The following LRCH2 variants were observed in gnomAD, a reference collection of about 807,000 sequenced individuals.
The protein encoded by LRCH2 is leucine-rich repeat and calponin homology domain-containing protein 2.
In LRCH2, 38 loss-of-function variants were observed where a neutral mutation model predicts 68.9. That is an observed-to-expected ratio of 0.55 (90% CI 0.43 to 0.72). The LOEUF (loss-of-function observed/expected upper bound fraction) is 0.72, where lower values mean the gene tolerates loss of function less well. LRCH2 is among the 30% of genes least tolerant of loss of function. The pLI is 0.00. For missense variants in LRCH2, 528 were observed against 572.9 expected (o/e 0.92, Z 0.80); for synonymous variants, 191 against 208.1 (o/e 0.92, Z 0.71).
intron 1 of LRCH2, chrX:115,191,304 C>T (rs1055448483): frequency 9.5e-6 from 11 of 1,156,793 alleles, no homozygotes; most frequent in African/African-American, 3.7e-5. Flanking sequence ...CCAGCTGGAG[C>T]CACCGCTACG....
chrX:115,166,261 T>G lies in LRCH2; in HGVS notation c.1080A>C (p.Thr360=), dbSNP rs2072559025. 1.7e-6 allele frequency: 2 copies of G among 1,179,734 alleles called. No individual in the cohort carries two copies. Among genetic ancestry groups the G allele is most frequent in the African/African-American group, 3.5e-5 (2 of 56,463 alleles). Reference sequence around the variant, plus strand: ...AGCAATAGAAAATACTCACTTCTGTTGTGGATAATCGTTTCTCTCCATTAT... The same window carrying G: ...AGCAATAGAAAATACTCACTTCTGTGGTGGATAATCGTTTCTCTCCATTAT... ...GSDNGEKRLS[T]TEPSDDDTVS... is the part of the protein sequence containing the mutation. Residue 360 remains threonine, a synonymous_variant, in exon 7 of 21, where the codon ACA becomes ACC. Transcript: ENST00000317135.
intron 5 of LRCH2, among the ~76,000 whole-genome samples, chrX:115,174,985 A>C (rs782779920): frequency 5.4e-5 from 6 of 111,519 alleles, no homozygotes; most frequent in Non-Finnish European, 9.4e-5. Context: ...CAGGAACCAG[A>C]GAAGGGCTGA....
At chrX:115,116,382 T>A (rs187554153) in intron 20 of LRCH2, among the ~76,000 whole-genome samples, 51 of 111,014 alleles carry the variant, frequency 4.6e-4, no homozygotes, top group Middle Eastern at 4.6e-3. Context: ...TAAAAAGAAA[T>A]GAAGTACTGA....
intron 14 of LRCH2, among the ~76,000 whole-genome samples, chrX:115,142,148 G>A (rs1276971090): frequency 9.0e-6 from 1 of 111,348 alleles, no homozygotes; most frequent in Non-Finnish European, 1.9e-5. Flanking sequence ...CCCAATACTG[G>A]GGCACTCAGA....
At chrX:115,143,616 G>T (rs1324405390) in intron 14 of LRCH2, among the ~76,000 whole-genome samples, 1 of 111,322 alleles carries the variant, frequency 9.0e-6, no homozygotes, top group Non-Finnish European at 1.9e-5. Context: ...GGGAATACTG[G>T]CAAACTGATT....
At position 115,134,662 on chromosome X, in the gene LRCH2, C is replaced by A. The variant is rs1433744943; in HGVS notation, c.1696-4463G>T. ...TGAATATGTTAAGCCCACTATCGAG[C>A]TCAGAAAAAAAGATTCCTTTCATAA... is the stretch of plus-strand genomic sequence containing the variant. On this transcript the variant is annotated intron_variant, in intron 14 of 20. Coordinates refer to ENST00000317135, the MANE Select transcript of LRCH2 (RefSeq NM_020871.4). Among the ~76,000 whole-genome samples the A allele has an allele frequency of 3.6e-5, 4 of 111,832 alleles. No homozygotes were observed. The Admixed American group carries it at 3.8e-4, about 11-fold the overall frequency.
At chrX:115,165,999 G>A (rs1222134940) in intron 7 of LRCH2, 47 bp from the exon 8 acceptor site, 18 of 898,221 alleles carry the variant, frequency 2.0e-5, no homozygotes, top group East Asian at 6.8e-5. Context: ...TTAAACTTAC[G>A]ATATGGATTA....
rs187463589 is a variant in LRCH2, at chrX:115,111,162, C to T, written c.*2054G>A. 9.0e-6 allele frequency: 1 copy of T among 111,424 alleles called. No homozygotes were observed. Among genetic ancestry groups the T allele is most frequent in the East Asian group, 2.8e-4 (1 of 3,543 alleles). The allele number at this position is 111,424 out of a possible 1,213,427, so 9.2% of individuals were successfully genotyped here. On this transcript the variant is annotated 3_prime_UTR_variant, in exon 21 of 21. Transcript: ENST00000317135. Reference sequence around the variant, plus strand: ...ATTTGGCACAAGAGTAAATGAACTGCCATGATGTGGACCTCAGAGAAGCCC... The same window carrying T: ...ATTTGGCACAAGAGTAAATGAACTGTCATGATGTGGACCTCAGAGAAGCCC...
At chrX:115,197,211 A>G (rs2072893988) in intron 1 of LRCH2, among the ~76,000 whole-genome samples, 1 of 111,661 alleles carries the variant, frequency 9.0e-6, no homozygotes, top group Non-Finnish European at 1.9e-5. Context: ...AGAAACCAAC[A>G]TAAAGATACA....
At chrX:115,207,909 C>T (rs2072980278) in intron 1 of LRCH2, among the ~76,000 whole-genome samples, 2 of 111,591 alleles carry the variant, frequency 1.8e-5, no homozygotes, top group South Asian at 7.6e-4. Context: ...GAGGGTAAAC[C>T]AGACAGACTG....
chrX:115,191,098 T>C, intron 1 of LRCH2: 1 of 1,141,420 alleles, frequency 8.8e-7, no homozygotes, highest in Non-Finnish European at 1.2e-6. Context: ...AGAAGGCCGC[T>C]ATGAGTACCG....
intron 2 of LRCH2, among the ~76,000 whole-genome samples, chrX:115,187,911 G>A (rs2072746085): frequency 1.8e-5 from 2 of 112,848 alleles, no homozygotes; most frequent in Admixed American, 9.4e-5. Context: ...TCAAACTGAG[G>A]TCTAAGGACC....
chrX:115,166,066 C>T, intron 7 of LRCH2, 114 bp from the exon 8 acceptor site: 1 of 674,156 alleles, frequency 1.5e-6, no homozygotes, highest in African/African-American at 2.2e-5. Flanking sequence ...CTCCAGTTTT[C>T]AAACCCAAAA....
rs781837314 is a variant in LRCH2 at position 115,117,465 on chromosome X, T to TA, written c.2179-4131dup. Among the ~76,000 whole-genome samples the TA allele has an allele frequency of 7.6e-3, 847 of 111,782 alleles. 11 individuals are homozygous for TA. The highest frequency in any genetic ancestry group is 0.026 in the African/African-American group (800 of 30,869). ...TATTTACTAAAAATTAAAGAATGTA[T>TA]AAATCCATACAAAGACTTGTATACA... On this transcript the variant is annotated intron_variant, in intron 20 of 20. Transcript: ENST00000317135.
In LRCH2 at chrX:115,150,081, G is replaced by A. The variant is rs2072420970; in HGVS notation, c.1530-11C>T. ...TCATCTGCTGAGACACTAAAAAATT[G>A]AAGATGCCTTAATACGTTAAAATAT... On this transcript the variant is annotated splice_polypyrimidine_tract_variant and intron_variant, in intron 12 of 20. Transcript: ENST00000317135. The A allele has an allele frequency of 8.9e-7, 1 of 1,117,838 alleles. No individual in the cohort carries two copies. The highest frequency in any genetic ancestry group is 1.2e-6 in the Non-Finnish European group (1 of 833,705). The allele number at this position is 1,117,838 out of a possible 1,213,427, so 92.1% of individuals were successfully genotyped here. A position where few individuals can be genotyped will look rare whatever the true frequency, so the allele number is the denominator to read the frequency against.
chrX:115,216,943 G>A (rs2073045386), intron 1 of LRCH2, among the ~76,000 whole-genome samples: 2 of 111,843 alleles, frequency 1.8e-5, no homozygotes, highest in Admixed American at 1.9e-4. Flanking sequence ...CAAAAGGCAA[G>A]GAGGAAGGTT....
intron 15 of LRCH2, among the ~76,000 whole-genome samples, chrX:115,127,969 G>A (rs2072213194): frequency 9.0e-6 from 1 of 111,469 alleles, no homozygotes; most frequent in Non-Finnish European, 1.9e-5. Context: ...AGGTTTCCAA[G>A]CAAGGGAATG....
At chrX:115,139,584 A>C (rs1413599257) in intron 14 of LRCH2, among the ~76,000 whole-genome samples, 4 of 111,661 alleles carry the variant, frequency 3.6e-5, no homozygotes, top group Non-Finnish European at 7.5e-5. Context: ...GTTTGAGACC[A>C]GCCTAGACAA....
chrX:115,139,828 G>A (rs781990600), intron 14 of LRCH2, among the ~76,000 whole-genome samples: 9 of 111,423 alleles, frequency 8.1e-5, no homozygotes, highest in Non-Finnish European at 1.3e-4. Context: ...GATGGGAATC[G>A]CTCATGCCAG....
Sources: gnomAD v4.1 joint callset for allele counts (sites outside exome capture counted in the v4.1 genomes callset) on GRCh38, gnomAD v4.1.1 for gene constraint, MANE v1.5 for transcripts, NCBI Gene and HGNC (gene_info 2026-07-23, HGNC 2026-07-21) for gene names.